The following ZNF146 variants were observed in gnomAD, a reference collection of about 807,000 sequenced individuals.
The protein encoded by ZNF146 is zinc finger protein 146, also known as zinc finger protein OZF.
Under a neutral mutation model 22.2 loss-of-function variants are expected in ZNF146, and 9 were observed. The ratio of observed to expected loss-of-function variants is 0.41; its 90% confidence interval spans 0.24 to 0.71. The LOEUF (loss-of-function observed/expected upper bound fraction) is 0.71, where lower values mean the gene tolerates loss of function less well. ZNF146 is among the 30% of genes least tolerant of loss of function. The probability of loss-of-function intolerance (pLI) is 0.34; values close to 1 mark genes in which losing one functional copy is unlikely to be tolerated. For synonymous variants in ZNF146, 108 were observed against 119.2 expected, an observed-to-expected ratio of 0.91 and a Z score of 0.61; for missense variants, 194 against 344.8, an observed-to-expected ratio of 0.56 and a Z score of 3.46.
rs1431443574 is a variant in ZNF146, at chr19:36,238,680, T to C, written c.*1361T>C. 1 of 167,118 alleles carries C rather than the reference T, an allele frequency of 6.0e-6. No individual in the cohort carries two copies. Among genetic ancestry groups the C allele is most frequent in the Non-Finnish European group, 1.5e-5 (1 of 68,112 alleles). The allele number at this position is 167,118 out of a possible 1,614,324, so 10.4% of individuals were successfully genotyped here. A position where few individuals can be genotyped will look rare whatever the true frequency, so the allele number is the denominator to read the frequency against. On this transcript the variant is annotated 3_prime_UTR_variant, in exon 4 of 4. Coordinates refer to ENST00000443387, the MANE Select transcript of ZNF146 (RefSeq NM_007145.3). ...CTAAACATTTTATAGAAAATATTTC[T>C]AAAATTTTATCACGGATGAATGGAT...
Sources: allele counts gnomAD v4.1 joint callset, GRCh38; gene constraint gnomAD v4.1.1; transcripts MANE v1.5; gene names NCBI Gene and HGNC (gene_info 2026-07-23, HGNC 2026-07-21).